Variants in BIRC6 observed in about 807,000 individuals in gnomAD.
BIRC6 encodes the protein baculoviral IAP repeat containing 6, also known as dual E2 ubiquitin-conjugating enzyme/E3 ubiquitin-protein ligase BIRC6.
A neutral mutation model predicts 503.3 loss-of-function variants in BIRC6; 98 were observed. The observed-to-expected ratio is 0.19, with a 90% CI of 0.17 to 0.23. The LOEUF (loss-of-function observed/expected upper bound fraction) is 0.23, where lower values mean the gene tolerates loss of function less well. Among genes scored for constraint, BIRC6 ranks in the 10% least tolerant of loss-of-function variants. The pLI, the probability that BIRC6 is intolerant of heterozygous loss-of-function variation, is 1.00. For synonymous variants in BIRC6, 2,240 were observed against 2,078.7 expected (o/e 1.08, Z -2.11); for missense variants, 5,360 against 5,806.0 (o/e 0.92, Z 2.50).
chr2:32,364,459 T>G (rs1476634876), intron 1 of BIRC6, among the ~76,000 whole-genome samples: 3 of 152,156 alleles, frequency 2.0e-5, no homozygotes, highest in Non-Finnish European at 4.4e-5. Flanking sequence ...GTCAGGCTGG[T>G]CTGGAATTCC....
chr2:32,487,726 A>G lies in BIRC6; in HGVS notation c.7893A>G (p.Ile2631Met), dbSNP rs748608329. The G allele has an allele frequency of 3.1e-6, 5 of 1,613,616 alleles. No homozygotes were observed. Among genetic ancestry groups the G allele is most frequent in the Middle Eastern group, 1.7e-4 (1 of 6,058 alleles). Residue 2631 changes from isoleucine (I) to methionine (M), a missense_variant, in exon 41 of 74, where the codon ATA becomes ATG. Ile to Met is a conservative substitution (Grantham distance 10). Around this residue, in one of 16 missense-constraint regions of BIRC6, gnomAD observed 2,299 missense variants for 2,267.2 expected, o/e 1.01. Coordinates refer to ENST00000421745, the MANE Select transcript of BIRC6 (RefSeq NM_016252.4). Reference sequence around the variant, plus strand: ...CAAACCAAACCAGCCAGCTTATTATACAGTTATCATCTGTCCCAATGTTAA... The same window carrying G: ...CAAACCAAACCAGCCAGCTTATTATGCAGTTATCATCTGTCCCAATGTTAA... ...QAANQTSQLI[I>M]QLSSVPMLNV...
intron 60 of BIRC6, 36 bp downstream of exon 60, chr2:32,529,860 G>T: frequency 7.3e-7 from 1 of 1,363,782 alleles, no homozygotes; most frequent in Non-Finnish European, 9.7e-7. Flanking sequence ...ATTACAGACT[G>T]TCATACAAAG....
chr2:32,603,964 G>C (rs563413896), intron 71 of BIRC6, among the ~76,000 whole-genome samples: 6 of 151,798 alleles, frequency 4.0e-5, no homozygotes, highest in South Asian at 4.2e-4. Flanking sequence ...ACTTTAGCTT[G>C]GTATAAGTAA....
Position 32,599,869 on chromosome 2 carries a change from G to A in BIRC6, c.13961G>A (p.Arg4654Gln), listed in dbSNP as rs2061933532. ...GAGACAACTGGTGGTCATAGCGTGCGATTCAATCCAAACCTTTATAATGAT... is the reference window on the plus strand; with the variant it reads ...GAGACAACTGGTGGTCATAGCGTGCAATTCAATCCAAACCTTTATAATGAT... Reference protein sequence around the residue: ...NLETTGGHSVRFNPNLYNDGK... With the variant: ...NLETTGGHSVQFNPNLYNDGK... Residue 4654 changes from arginine to glutamine, a missense_variant, in exon 70 of 74, where the codon CGA becomes CAA. By Grantham distance (43) the Arg-to-Gln change is conservative. Around this residue, in one of 16 missense-constraint regions of BIRC6, gnomAD observed 66 missense variants for 113.2 expected, o/e 0.58. Transcript: ENST00000421745. The A allele has an allele frequency of 1.2e-6, 2 of 1,613,718 alleles. No homozygotes were observed. The highest frequency in any genetic ancestry group is 1.7e-6 in the Non-Finnish European group (2 of 1,179,832).
intron 32 of BIRC6, among the ~76,000 whole-genome samples, chr2:32,471,990 T>TA (rs1046105724): frequency 6.6e-6 from 1 of 152,212 alleles, no homozygotes; most frequent in African/African-American, 2.4e-5. Context: ...TATTGATTTT[T>TA]AAAAAATAAT....
At chr2:32,584,464 C>T (rs1303739088) in intron 66 of BIRC6, among the ~76,000 whole-genome samples, 6 of 151,968 alleles carry the variant, frequency 3.9e-5, no homozygotes, top group African/African-American at 1.5e-4. Context: ...ACCGGGGAGG[C>T]GGAGGTTGTA....
intron 35 of BIRC6, among the ~76,000 whole-genome samples, chr2:32,478,283 A>G (rs2049995790): frequency 6.6e-6 from 1 of 152,146 alleles, no homozygotes; most frequent in Non-Finnish European, 1.5e-5. Flanking sequence ...GGTTGCAGTG[A>G]GCTGAAATCG....
chr2:32,600,319 A>T (rs950564511), intron 70 of BIRC6, among the ~76,000 whole-genome samples: 7 of 152,246 alleles, frequency 4.6e-5, no homozygotes. Flanking sequence ...TTAAAAGAGT[A>T]ATCTGTTTTT....
At chr2:32,547,275 C>T (rs2058117550) in intron 63 of BIRC6, among the ~76,000 whole-genome samples, 1 of 151,792 alleles carries the variant, frequency 6.6e-6, no homozygotes, top group Non-Finnish European at 1.5e-5. Context: ...GTGGTTTATC[C>T]CTTCTTTTCT....
chr2:32,569,688 GTAGCTA>G (rs2059792564), intron 65 of BIRC6, among the ~76,000 whole-genome samples: 1 of 147,912 alleles, frequency 6.8e-6, no homozygotes, highest in East Asian at 2.0e-4. Context: ...TTTTTTTTCT[GTAGCTA>G]TTGTAAATGA....
At chr2:32,426,186 A>G (rs2043471322) in intron 10 of BIRC6, among the ~76,000 whole-genome samples, 1 of 152,088 alleles carries the variant, frequency 6.6e-6, no homozygotes, top group Non-Finnish European at 1.5e-5. Context: ...TTTTTGAGTT[A>G]TATTTTGGTG....
chr2:32,566,761 A>G (rs944348687), intron 65 of BIRC6, among the ~76,000 whole-genome samples: 3 of 152,090 alleles, frequency 2.0e-5, no homozygotes, highest in African/African-American at 7.2e-5. Context: ...AGATATTTTC[A>G]TCATAAGTTT....
rs912828954 is a variant in BIRC6, at chr2:32,476,158, A to G, written c.6721-55A>G. The G allele has an allele frequency of 1.9e-5, 26 of 1,369,550 alleles. No homozygotes were observed. In the Admixed American group the frequency reaches 2.3e-4, roughly 12 times the overall value. 84.8% of individuals were successfully genotyped at this position (1,369,550 alleles called of 1,614,324 possible). On this transcript the variant is annotated intron_variant, in intron 33 of 73. Coordinates refer to ENST00000421745, the MANE Select transcript of BIRC6 (RefSeq NM_016252.4). Reference sequence around the variant, plus strand: ...GTATGAATTCTGTGAGGAGTATAATAATTTTTTTGTTTTTAACGTTGTTAA... The same window carrying G: ...GTATGAATTCTGTGAGGAGTATAATGATTTTTTTGTTTTTAACGTTGTTAA...
chr2:32,455,205 C>T (rs973774066), intron 23 of BIRC6, among the ~76,000 whole-genome samples: 3 of 151,632 alleles, frequency 2.0e-5, no homozygotes, highest in East Asian at 1.9e-4. Flanking sequence ...AGTGAAACCC[C>T]GTCTCTACTA....
In BIRC6 at chr2:32,599,821, G is replaced by T. The variant is rs1559135286; in HGVS notation, c.13913G>T (p.Ser4638Ile). 5 of 1,613,844 alleles carry T rather than the reference G, an allele frequency of 3.1e-6. No individual in the cohort carries two copies. Among genetic ancestry groups the T allele is most frequent in the South Asian group, 1.1e-5 (1 of 91,082 alleles). Residue 4638 changes from serine (S) to isoleucine (I), a missense_variant, in exon 70 of 74, where the codon AGT (serine) becomes ATT (isoleucine). Ser to Ile is a moderately radical substitution (Grantham distance 142). Around this residue, in one of 16 missense-constraint regions of BIRC6, gnomAD observed 66 missense variants for 113.2 expected, o/e 0.58. Transcript: ENST00000421745. ...GTGTATTTTCCTCAAGATTATCCCA[G>T]TTCACCCCCTCTTGTGAATCTAGAG... ...FDVYFPQDYP[S>I]SPPLVNLETT...
intron 40 of BIRC6, among the ~76,000 whole-genome samples, chr2:32,486,894 G>A (rs1246696570): frequency 3.3e-5 from 5 of 152,044 alleles, no homozygotes; most frequent in African/African-American, 9.7e-5. Context: ...GTAGGGTCCA[G>A]TGTCTGCATG....
chr2:32,445,163 GA>G (rs1267425135), intron 20 of BIRC6, among the ~76,000 whole-genome samples: 1 of 152,154 alleles, frequency 6.6e-6, no homozygotes, highest in Non-Finnish European at 1.5e-5. Context: ...TGATTTGAAG[GA>G]CCTTCAGTCT....
intron 63 of BIRC6, among the ~76,000 whole-genome samples, chr2:32,547,434 T>G (rs2058126714): frequency 6.6e-6 from 1 of 152,230 alleles, no homozygotes; most frequent in Non-Finnish European, 1.5e-5. Context: ...CTATTTTGGA[T>G]ATTGCATATA....
intron 56 of BIRC6, 147 bp downstream of exon 56, chr2:32,518,544 AT>A: frequency 1.1e-6 from 1 of 893,274 alleles, no homozygotes; most frequent in East Asian, 2.7e-5. Flanking sequence ...GAACTTGACA[AT>A]TTCAGGATAG....
Sources: gnomAD v4.1 joint callset for allele counts (sites outside exome capture counted in the v4.1 genomes callset) on GRCh38, gnomAD v4.1.1 for gene constraint, gnomAD v4.1.1 regional missense constraint, MANE v1.5 for transcripts, NCBI Gene and HGNC (gene_info 2026-07-23, HGNC 2026-07-21) for gene names.